Variants in PHKB observed in about 807,000 individuals in gnomAD.
PHKB encodes the protein phosphorylase kinase regulatory subunit beta.
Under a neutral mutation model 152.1 loss-of-function variants are expected in PHKB, and 122 were observed. That is an observed-to-expected ratio of 0.80 (90% CI 0.69 to 0.93). PHKB has a LOEUF of 0.93. Among genes scored for constraint, PHKB ranks in the 40% least tolerant of loss-of-function variants. PHKB has a pLI of 0.00. For synonymous variants in PHKB, 436 were observed against 464.9 expected (o/e 0.94, Z 0.80); for missense variants, 1,304 against 1,328.4 (o/e 0.98, Z 0.29).
intron 14 of PHKB, among the ~76,000 whole-genome samples, chr16:47,618,765 A>G (rs1355506798): frequency 6.6e-6 from 1 of 152,218 alleles, no homozygotes; most frequent in African/African-American, 2.4e-5. Context: ...TAAATTATAC[A>G]AAATACCATA....
chr16:47,698,933 G>A (rs1205677481), intron 30 of PHKB, among the ~76,000 whole-genome samples: 2 of 152,064 alleles, frequency 1.3e-5, no homozygotes, highest in Non-Finnish European at 2.9e-5. Context: ...GGCTACGTTG[G>A]TGCTGCGTAC....
intron 6 of PHKB, among the ~76,000 whole-genome samples, chr16:47,535,737 G>A (rs1051038612): frequency 6.6e-6 from 1 of 152,100 alleles, no homozygotes; most frequent in African/African-American, 2.4e-5. Flanking sequence ...AAACGTTATT[G>A]TTGTATTTCA....
intron 10 of PHKB, 58 bp from the exon 11 acceptor site, chr16:47,593,442 A>G: frequency 1.1e-6 from 1 of 908,652 alleles, no homozygotes; most frequent in South Asian, 1.4e-5. Context: ...CTTGTCTCAA[A>G]ATAATAATAA....
chr16:47,471,149 T>C (rs904820567), intron 1 of PHKB, among the ~76,000 whole-genome samples: 3 of 152,098 alleles, frequency 2.0e-5, no homozygotes, highest in African/African-American at 4.8e-5. Flanking sequence ...CTGGAAGTGA[T>C]ATTTAACTCC....
At chr16:47,690,367 T>G (rs1249503369) in intron 27 of PHKB, among the ~76,000 whole-genome samples, 1 of 152,186 alleles carries the variant, frequency 6.6e-6, no homozygotes, top group Non-Finnish European at 1.5e-5. Flanking sequence ...CTTCTAATAA[T>G]GACTCAACCC....
At chr16:47,532,762 G>A (rs574623844) in intron 6 of PHKB, among the ~76,000 whole-genome samples, 1 of 152,252 alleles carries the variant, frequency 6.6e-6, no homozygotes, top group Admixed American at 6.5e-5. Context: ...GAGCTCCCAC[G>A]TCTGGGCTCC....
intron 20 of PHKB, among the ~76,000 whole-genome samples, chr16:47,655,327 A>G (rs1010745400): frequency 3.3e-5 from 5 of 152,230 alleles, no homozygotes; most frequent in Non-Finnish European, 7.3e-5. Flanking sequence ...ATTTTAAAAG[A>G]TGTTTATTTT....
Position 47,689,166 on chromosome 16 carries a change from A to G in PHKB, c.2756A>G (p.Gln919Arg). The G allele has an allele frequency of 6.2e-7, 1 of 1,614,026 alleles. No homozygotes were observed. The highest frequency in any genetic ancestry group is 8.5e-7 in the Non-Finnish European group (1 of 1,179,902). Residue 919 changes from glutamine (Q) to arginine (R), a missense_variant, in exon 27 of 31, where the codon CAG becomes CGG. Physicochemically the swap from Gln to Arg is conservative, Grantham distance 43. Coordinates refer to ENST00000323584, the MANE Select transcript of PHKB (RefSeq NM_000293.3). ...QLLLDILQPQ[Q>R]NGRCWLNRRQ... is the part of the protein sequence containing the mutation. The stretch of plus-strand genomic sequence containing the variant: ...CTGCTGGATATTCTGCAGCCTCAAC[A>G]GAATGGAAGGTAATAAGGGCCCCTT...
At chr16:47,596,994 C>T (rs1232411395) in intron 13 of PHKB, among the ~76,000 whole-genome samples, 2 of 152,136 alleles carry the variant, frequency 1.3e-5, no homozygotes, top group African/African-American at 4.8e-5. Context: ...GACCATTATT[C>T]ATTATTCTTT....
intron 14 of PHKB, among the ~76,000 whole-genome samples, chr16:47,613,965 A>G (rs1329693395): frequency 1.3e-5 from 2 of 152,200 alleles, no homozygotes; most frequent in Admixed American, 6.5e-5. Flanking sequence ...CTCAACTGCT[A>G]TAAAGAAATA....
At chr16:47,595,854 A>G (rs1448284713) in intron 12 of PHKB, among the ~76,000 whole-genome samples, 1 of 152,210 alleles carries the variant, frequency 6.6e-6, no homozygotes, top group Non-Finnish European at 1.5e-5. Context: ...TTCACTGGCA[A>G]TATCTGAAAG....
intron 7 of PHKB, chr16:47,565,824 C>A: frequency 7.1e-7 from 1 of 1,409,682 alleles, no homozygotes; most frequent in South Asian, 1.2e-5. Flanking sequence ...CTTTGTCCCT[C>A]CAAAGACAGA....
chr16:47,595,417 A>T (rs772082360), intron 12 of PHKB, among the ~76,000 whole-genome samples: 1 of 152,188 alleles, frequency 6.6e-6, no homozygotes, highest in Non-Finnish European at 1.5e-5. Flanking sequence ...GTAGCATCCT[A>T]CATAGATTGT....
intron 20 of PHKB, among the ~76,000 whole-genome samples, chr16:47,652,930 A>C (rs1364711628): frequency 6.6e-6 from 1 of 151,612 alleles, no homozygotes; most frequent in Non-Finnish European, 1.5e-5. Flanking sequence ...GGCATAAGCC[A>C]CTGCAACCAA....
At chr16:47,517,724 T>C (rs1297489834) in intron 6 of PHKB, among the ~76,000 whole-genome samples, 1 of 152,202 alleles carries the variant, frequency 6.6e-6, no homozygotes, top group Non-Finnish European at 1.5e-5. Context: ...TTAAAATTTT[T>C]GGATAGTTCC....
intron 1 of PHKB, among the ~76,000 whole-genome samples, chr16:47,473,521 A>T (rs180803376): frequency 2.6e-5 from 4 of 151,842 alleles, no homozygotes; most frequent in Admixed American, 2.6e-4. Flanking sequence ...TTTCTTATAG[A>T]CTTTATTAGT....
chr16:47,470,485 C>T (rs529359440), intron 1 of PHKB, among the ~76,000 whole-genome samples: 8 of 152,328 alleles, frequency 5.3e-5, no homozygotes, highest in African/African-American at 1.4e-4. Context: ...GGCGTTATGG[C>T]CATCATGAAC....
intron 10 of PHKB, among the ~76,000 whole-genome samples, chr16:47,589,858 C>T (rs910634764): frequency 6.6e-6 from 1 of 152,130 alleles, no homozygotes; most frequent in Non-Finnish European, 1.5e-5. Flanking sequence ...GATCTCAGCT[C>T]ACTGTAACCT....
chr16:47,609,390 A>G (rs1972383971), intron 13 of PHKB, among the ~76,000 whole-genome samples: 1 of 129,732 alleles, frequency 7.7e-6, no homozygotes, highest in African/African-American at 2.8e-5. Context: ...GTATTAGAAT[A>G]ATACTGACCT....
Sources: allele counts gnomAD v4.1 joint callset (sites outside exome capture counted in the v4.1 genomes callset), GRCh38; gene constraint gnomAD v4.1.1; transcripts MANE v1.5; gene names NCBI Gene and HGNC (gene_info 2026-07-23, HGNC 2026-07-21).